The following SOS1 variants were observed in gnomAD, a reference collection of about 807,000 sequenced individuals.
SOS1 encodes SOS Ras/Rac guanine nucleotide exchange factor 1, also known as son of sevenless homolog 1.
Under a neutral mutation model 157.6 loss-of-function variants are expected in SOS1, and 25 were observed. The observed-to-expected ratio is 0.16, with a 90% CI of 0.12 to 0.22. The LOEUF (loss-of-function observed/expected upper bound fraction) is 0.22. SOS1 is among the 10% of genes least tolerant of loss of function. The pLI, the probability that SOS1 is intolerant of heterozygous loss-of-function variation, is 1.00. For missense variants in SOS1, 1,237 were observed against 1,599.1 expected (o/e 0.77, Z 3.86); for synonymous variants, 528 against 534.0 (o/e 0.99, Z 0.16).
chr2:38,989,407 G>T, intron 20 of SOS1, 93 bp from the exon 21 acceptor site: 1 of 794,888 alleles, frequency 1.3e-6, no homozygotes, highest in Non-Finnish European at 2.2e-6. Flanking sequence ...AAATGTTATT[G>T]TCATTGTCGT....
At chr2:39,091,408 CTG>C (rs2148188385) in intron 1 of SOS1, among the ~76,000 whole-genome samples, 2 of 152,214 alleles carry the variant, frequency 1.3e-5, no homozygotes, top group African/African-American at 4.8e-5. Context: ...GATGTTTCAC[CTG>C]TGAATCCAAA....
chr2:39,107,077 C>A (rs569268228), intron 1 of SOS1, among the ~76,000 whole-genome samples: 1 of 151,690 alleles, frequency 6.6e-6, no homozygotes, highest in East Asian at 1.9e-4. Context: ...CACCTTAAGG[C>A]ATCCTTTTTT....
intron 15 of SOS1, 67 bp from the exon 16 acceptor site, chr2:39,007,260 T>C (rs1669310515): frequency 9.8e-7 from 1 of 1,023,656 alleles, no homozygotes; most frequent in African/African-American, 1.6e-5. Context: ...GCTTAAAGAA[T>C]TTAGTAAATA....
intron 6 of SOS1, among the ~76,000 whole-genome samples, chr2:39,039,381 T>C (rs1354163645): frequency 6.6e-6 from 1 of 152,228 alleles, no homozygotes; most frequent in Non-Finnish European, 1.5e-5. Flanking sequence ...AAAGTGATTA[T>C]ATCGATTTAT....
chr2:39,116,455 G>A (rs1673653947), intron 1 of SOS1, among the ~76,000 whole-genome samples: 1 of 152,146 alleles, frequency 6.6e-6, no homozygotes, highest in Non-Finnish European at 1.5e-5. Flanking sequence ...TCTCTTGACT[G>A]GACTATTAAA....
At chr2:39,115,264 AT>A (rs1418518616) in intron 1 of SOS1, among the ~76,000 whole-genome samples, 5 of 152,140 alleles carry the variant, frequency 3.3e-5, no homozygotes, top group African/African-American at 1.2e-4. Flanking sequence ...ACAACCACTG[AT>A]CTGCACTAGT....
chr2:39,066,183 C>T (rs911845152), intron 2 of SOS1, among the ~76,000 whole-genome samples: 9 of 152,272 alleles, frequency 5.9e-5, no homozygotes, highest in African/African-American at 2.2e-4. Context: ...GCCATAAAAA[C>T]ATTACTTTCT....
chr2:39,013,589 T>G (rs749704173), intron 12 of SOS1, 26 bp from the exon 13 acceptor site: 2 of 1,360,364 alleles, frequency 1.5e-6, no homozygotes, highest in Non-Finnish European at 2.1e-6. Context: ...AGAATTGAAT[T>G]ACATGGGAAT....
chr2:39,026,829 T>G (rs190506343), intron 8 of SOS1, among the ~76,000 whole-genome samples: 11 of 152,280 alleles, frequency 7.2e-5, no homozygotes, highest in Admixed American at 7.2e-4. Context: ...GGGCCACACA[T>G]AAAATATACT....
intron 1 of SOS1, among the ~76,000 whole-genome samples, chr2:39,088,280 A>C (rs2148182794): frequency 6.7e-6 from 1 of 148,780 alleles, no homozygotes; most frequent in South Asian, 2.1e-4. Context: ...TAGAAATTCT[A>C]CTTTAGTATG....
Position 39,006,575 on chromosome 2 carries a change from G to A in SOS1, c.2674-46C>T, listed in dbSNP as rs1216004482. The A allele has an allele frequency of 4.1e-6, 4 of 966,952 alleles. No homozygotes were observed. The African/African-American group carries it at 4.8e-5, about 12-fold the overall frequency. The allele number at this position is 966,952 out of a possible 1,614,324, so 59.9% of individuals were successfully genotyped here. On this transcript the variant is annotated intron_variant, in intron 16 of 22. Coordinates refer to ENST00000402219, the MANE Select transcript of SOS1 (RefSeq NM_005633.4). ...CGTAAGTTTACAAAAGGAATCAAAG[G>A]TCTTGTCAAAAAAAATACTAGGCTA...
intron 1 of SOS1, 128 bp downstream of exon 1, chr2:39,120,208 C>T (rs906136515): frequency 2.5e-6 from 2 of 807,620 alleles, no homozygotes; most frequent in Non-Finnish European, 1.8e-6. Flanking sequence ...CCGTGTGCGC[C>T]GTCCTTTTGG....
At chr2:39,020,396 A>C in intron 10 of SOS1, among the ~76,000 whole-genome samples, 1 of 151,884 alleles carries the variant, frequency 6.6e-6, no homozygotes, top group Non-Finnish European at 1.5e-5. Flanking sequence ...AGTATTCATT[A>C]AATTTTCTCA....
chr2:39,054,930 GCAGACAAACAAAT>G, intron 4 of SOS1, 107 bp from the exon 5 acceptor site: 1 of 699,128 alleles, frequency 1.4e-6, no homozygotes, highest in Non-Finnish European at 2.5e-6. Context: ...TGATAAAAAA[GCAGACAAACAAAT>G]TTCTCTTCTT....
rs528165293 is a variant in SOS1 at position 39,088,315 on chromosome 2, CTT to C, written c.88-20564_88-20563del. ...GCCTGAGATGGAGCGAAGGAAGTGA[CTT>C]TTTTTTTCAACTGTGGTAAAATACA... On this transcript the variant is annotated intron_variant, in intron 1 of 22. Transcript: ENST00000402219. Among the ~76,000 whole-genome samples, 1,181 of 147,910 alleles carry C rather than the reference CTT, an allele frequency of 8.0e-3. 7 individuals are homozygous for C. The highest frequency in any genetic ancestry group is 0.014 in the Middle Eastern group (4 of 286).
At chr2:39,070,828 G>A (rs1402231542) in intron 1 of SOS1, among the ~76,000 whole-genome samples, 1 of 152,088 alleles carries the variant, frequency 6.6e-6, no homozygotes, top group African/African-American at 2.4e-5. Flanking sequence ...AGAGTTAAAA[G>A]GGACTTTAGA....
At chr2:39,090,793 A>G (rs1672564928) in intron 1 of SOS1, among the ~76,000 whole-genome samples, 1 of 152,202 alleles carries the variant, frequency 6.6e-6, no homozygotes, top group African/African-American at 2.4e-5. Flanking sequence ...TCAAACTTAA[A>G]TCACCTAGCA....
rs763121409 is a variant in SOS1, at chr2:39,023,239, A to T, written c.1203-14T>A. ...CATGCAGATTCACTGGAATAAAGAA[A>T]AAGACATTATTAGTACATAGATGAC... On this transcript the variant is annotated splice_polypyrimidine_tract_variant and intron_variant, in intron 9 of 22. Transcript: ENST00000402219. 46 of 1,603,376 alleles carry T rather than the reference A, an allele frequency of 2.9e-5. No homozygotes were observed. The highest frequency in any genetic ancestry group is 3.8e-5 in the Non-Finnish European group (44 of 1,171,112).
intron 1 of SOS1, among the ~76,000 whole-genome samples, chr2:39,083,305 A>ACATC (rs1221509576): frequency 1.3e-5 from 2 of 152,148 alleles, no homozygotes; most frequent in Non-Finnish European, 2.9e-5. Flanking sequence ...TGAAGCACCT[A>ACATC]CATCCAAGCA....
Sources: allele counts gnomAD v4.1 joint callset (sites outside exome capture counted in the v4.1 genomes callset), GRCh38; gene constraint gnomAD v4.1.1; transcripts MANE v1.5; gene names NCBI Gene and HGNC (gene_info 2026-07-23, HGNC 2026-07-21).